UPK1A: variants seen among roughly 807,000 people sequenced by gnomAD.
UPK1A encodes uroplakin-1a.
In UPK1A, 31 loss-of-function variants were observed where a neutral mutation model predicts 32.3. The observed-to-expected ratio is 0.96, with a 90% confidence interval of 0.72 to 1.30. UPK1A has a LOEUF of 1.30. Ranked by LOEUF, UPK1A falls within the 50% of genes most tolerant of loss-of-function variation. The pLI is 0.00. For synonymous variants in UPK1A, 135 were observed against 137.1 expected (o/e 0.98, Z 0.11); for missense variants, 340 against 357.4 (o/e 0.95, Z 0.39).
chr19:35,672,177 C>T (rs1157343567), intron 3 of UPK1A, among the ~76,000 whole-genome samples: 2 of 152,198 alleles, frequency 1.3e-5, no homozygotes, highest in Non-Finnish European at 2.9e-5. Flanking sequence ...TGGCACAACC[C>T]ACCAAATTCA....
At chr19:35,668,354 C>T in intron 2 of UPK1A, 100 bp from the exon 3 acceptor site, 2 of 1,390,190 alleles carry the variant, frequency 1.4e-6, no homozygotes, top group Non-Finnish European at 2.0e-6. Flanking sequence ...ACTGAGAGGG[C>T]AGTGGAGGCT....
In UPK1A at chr19:35,671,381, T is replaced by A. The variant is rs752666215; in HGVS notation, c.286-1851T>A. 3.7e-5 allele frequency among the ~76,000 whole-genome samples: 3 copies of A among 81,442 alleles called. No individual in the cohort carries two copies. The East Asian group carries it at 1.2e-3, about 34-fold the overall frequency. The allele number at this position is 81,442 out of a possible 152,430, so 53.4% of individuals were successfully genotyped here. A position where few individuals can be genotyped will look rare whatever the true frequency, so the allele number is the denominator to read the frequency against. On this transcript the variant is annotated intron_variant, in intron 3 of 7. Coordinates refer to ENST00000617999, the Ensembl canonical transcript of UPK1A. ...CAGCCTGGGCGACAGAGCAAGACTC[T>A]GTCTCAAAAAAAAAAAAAAATTGTG...
intron 3 of UPK1A, 36 bp from the exon 4 acceptor site, chr19:35,673,196 T>C: frequency 6.2e-7 from 1 of 1,608,658 alleles, no homozygotes; most frequent in Non-Finnish European, 8.5e-7. Flanking sequence ...CTTCACGGGC[T>C]CTGCCCGACG....
rs749683624 is a variant in UPK1A at position 35,678,044 on chromosome 19, C to T, written c.*25C>T. The T allele has an allele frequency of 7.1e-6, 11 of 1,559,528 alleles. No individual in the cohort carries two copies. In the East Asian group the frequency reaches 2.5e-4, roughly 35 times the overall value. On this transcript the variant is annotated 3_prime_UTR_variant, in exon 8 of 8. Transcript: ENST00000617999. ...AGGGACAGGAGGGGAAGGCAACATACACACCCCGGACTCCTCCGCATCCTC... is the reference window on the plus strand; with the variant it reads ...AGGGACAGGAGGGGAAGGCAACATATACACCCCGGACTCCTCCGCATCCTC...
chr19:35,671,606 T>C (rs1315591505), intron 3 of UPK1A, among the ~76,000 whole-genome samples: 1 of 148,420 alleles, frequency 6.7e-6, no homozygotes, highest in African/African-American at 2.5e-5. Flanking sequence ...TACAGGCACC[T>C]GCCACCACGC....
intron 3 of UPK1A, among the ~76,000 whole-genome samples, chr19:35,669,084 C>T (rs978183143): frequency 1.8e-4 from 28 of 152,110 alleles, no homozygotes; most frequent in Non-Finnish European, 3.5e-4. Context: ...TAATGGTTTA[C>T]TACAAGCCAC....
At chr19:35,674,221 A>T (rs569342506) in intron 5 of UPK1A, among the ~76,000 whole-genome samples, 141 of 125,960 alleles carry the variant, frequency 1.1e-3, no homozygotes, top group African/African-American at 3.6e-3. Context: ...CTCAAAGCAC[A>T]TTTTTTTTTT....
chr19:35,675,740 G>C (rs1166435949), intron 5 of UPK1A, 100 bp from the exon 6 acceptor site: 2 of 1,405,362 alleles, frequency 1.4e-6, no homozygotes, highest in African/African-American at 2.9e-5. Context: ...GGGCCCAGCT[G>C]TGTCAAAGGC....
exon 8 of UPK1A, chr19:35,678,036 G>A: frequency 1.3e-6 from 2 of 1,568,608 alleles, no homozygotes; most frequent in African/African-American, 1.3e-5. Flanking sequence ...GGAGGGGAAG[G>A]CAACATACAC....
intron 2 of UPK1A, among the ~76,000 whole-genome samples, chr19:35,667,596 C>G (rs1438871056): frequency 6.6e-6 from 1 of 151,584 alleles, no homozygotes; most frequent in African/African-American, 2.4e-5. Flanking sequence ...TGGGCTCCAG[C>G]AATTCTCCTG....
exon 5 of UPK1A, chr19:35,673,504 G>A (rs1968135178): frequency 6.2e-7 from 1 of 1,613,100 alleles, no homozygotes; most frequent in Non-Finnish European, 8.5e-7. Flanking sequence ...CACCGACCAG[G>A]GCCAGGAGCT....
At chr19:35,666,713 G>C in intron 1 of UPK1A, 96 bp from the exon 2 acceptor site, 1 of 1,271,486 alleles carries the variant, frequency 7.9e-7, no homozygotes, top group Admixed American at 1.8e-5. Context: ...CCCGCAGAGA[G>C]CTGGAGCAAC....
chr19:35,668,609 T>C (rs1225479581), exon 3 of UPK1A: 1 of 1,614,056 alleles, frequency 6.2e-7, no homozygotes, highest in Non-Finnish European at 8.5e-7. Context: ...TAGCCAGTTT[T>C]GGTGTGGGTG....
At chr19:35,673,807 C>T (rs1968140692) in intron 5 of UPK1A, among the ~76,000 whole-genome samples, 1 of 152,150 alleles carries the variant, frequency 6.6e-6, no homozygotes, top group Non-Finnish European at 1.5e-5. Flanking sequence ...TCCTGACCTC[C>T]CTGCTCTTAG....
chr19:35,673,407 G>T, intron 4 of UPK1A, 31 bp from the exon 5 acceptor site: 1 of 1,612,308 alleles, frequency 6.2e-7, no homozygotes, highest in South Asian at 1.1e-5. Flanking sequence ...ACCCAGCCCT[G>T]CCGGCCCTTG....
rs181155606 is a variant in UPK1A at position 35,676,038 on chromosome 19, C to G, written c.648+19C>G. 2 of 1,604,198 alleles carry G rather than the reference C, an allele frequency of 1.2e-6. No individual in the cohort carries two copies. The highest frequency in any genetic ancestry group is 1.7e-6 in the Non-Finnish European group (2 of 1,174,752). ...CACCAAGGTGTGGCCGTCTGCCCTG[C>G]TCCATCTGTCTATCCATCTGTCTGT... is the stretch of plus-strand genomic sequence containing the variant. On this transcript the variant is annotated intron_variant, in intron 6 of 7. Transcript: ENST00000617999.
rs553879859 is a variant in UPK1A at position 35,671,624 on chromosome 19, A to ATT, written c.286-1598_286-1597dup. ...AGGCACCTGCCACCACGCCTGGTTA[A>ATT]TTTTTTTTTTTGTATTTTTAGTAGA... On this transcript the variant is annotated intron_variant, in intron 3 of 7. Transcript: ENST00000617999. Among the ~76,000 whole-genome samples, 9 of 141,156 alleles carry ATT rather than the reference A, an allele frequency of 6.4e-5. No homozygotes were observed. The South Asian group carries it at 6.9e-4, about 11-fold the overall frequency. 92.6% of individuals were successfully genotyped at this position (141,156 alleles called of 152,430 possible).
At chr19:35,668,107 C>T (rs1968025749) in intron 2 of UPK1A, 3 of 381,122 alleles carry the variant, frequency 7.9e-6, no homozygotes, top group Non-Finnish European at 1.5e-5. Context: ...TGTTTATGGC[C>T]ATGGCCATGT....
intron 3 of UPK1A, 121 bp from the exon 4 acceptor site, chr19:35,673,111 A>T (rs1317263287): frequency 1.2e-6 from 1 of 846,064 alleles, no homozygotes; most frequent in Non-Finnish European, 2.0e-6. Flanking sequence ...CATATTATAG[A>T]TGCTGCTAGT....
Sources: allele counts gnomAD v4.1 joint callset (sites outside exome capture counted in the v4.1 genomes callset), GRCh38; gene constraint gnomAD v4.1.1; transcripts MANE v1.5; gene names NCBI Gene and HGNC (gene_info 2026-07-23, HGNC 2026-07-21).